The following ATG7 variants were observed in gnomAD, a reference collection of about 807,000 sequenced individuals.
ATG7 encodes the protein autophagy related 7, also known as ubiquitin-like modifier-activating enzyme ATG7.
In ATG7, 70 loss-of-function variants were observed where a neutral mutation model predicts 82.4. That is an observed-to-expected ratio of 0.85 (90% CI 0.70 to 1.04). ATG7 has a LOEUF of 1.04. Ranked by LOEUF, ATG7 falls within the 50% of genes least tolerant of loss-of-function variation. The pLI is 0.00. For missense variants in ATG7, 792 were observed against 864.3 expected, an observed-to-expected ratio of 0.92 and a Z score of 1.05; for synonymous variants, 287 against 313.0, an observed-to-expected ratio of 0.92 and a Z score of 0.88.
intron 19 of ATG7, among the ~76,000 whole-genome samples, chr3:11,392,490 C>A (rs1435612346): frequency 3.3e-5 from 5 of 150,876 alleles, no homozygotes; most frequent in African/African-American, 1.2e-4. Context: ...CAAAACAAAA[C>A]AAAAAAACAA....
intron 20 of ATG7, among the ~76,000 whole-genome samples, chr3:11,433,488 T>G (rs2083097023): frequency 6.6e-6 from 1 of 152,130 alleles, no homozygotes; most frequent in South Asian, 2.1e-4. Flanking sequence ...AACATCATAC[T>G]ATGAGAAATG....
intron 20 of ATG7, among the ~76,000 whole-genome samples, chr3:11,508,481 G>GTCT (rs541186138): frequency 2.6e-5 from 4 of 152,316 alleles, no homozygotes; most frequent in African/African-American, 9.6e-5. Flanking sequence ...AAGAGACAGA[G>GTCT]TCTTGCTCTG....
intron 20 of ATG7, among the ~76,000 whole-genome samples, chr3:11,465,576 C>G (rs1206922053): frequency 6.6e-6 from 1 of 151,764 alleles, no homozygotes; most frequent in Non-Finnish European, 1.5e-5. Context: ...AACCCCATGT[C>G]TACAAAAAGT....
At chr3:11,486,201 G>A (rs140411782) in intron 20 of ATG7, among the ~76,000 whole-genome samples, 6 of 152,090 alleles carry the variant, frequency 3.9e-5, no homozygotes, top group African/African-American at 1.4e-4. Flanking sequence ...ATTTGTTTGT[G>A]TCCTCTTTTA....
At chr3:11,467,964 T>G (rs1196416990) in intron 20 of ATG7, among the ~76,000 whole-genome samples, 1 of 152,198 alleles carries the variant, frequency 6.6e-6, no homozygotes, top group African/African-American at 2.4e-5. Flanking sequence ...GTAGCTGACT[T>G]GGAAACTGGG....
intron 11 of ATG7, among the ~76,000 whole-genome samples, chr3:11,333,308 T>C (rs571056503): frequency 6.6e-6 from 1 of 152,370 alleles, no homozygotes; most frequent in African/African-American, 2.4e-5. Flanking sequence ...AAATTTTCTC[T>C]AGGCAGTTTT....
At chr3:11,522,428 G>A (rs1337536837) in intron 20 of ATG7, among the ~76,000 whole-genome samples, 1 of 151,982 alleles carries the variant, frequency 6.6e-6, no homozygotes, top group South Asian at 2.1e-4. Context: ...GCTTGCTAGG[G>A]GACACTGGGG....
chr3:11,470,300 C>T (rs188849195), intron 20 of ATG7, among the ~76,000 whole-genome samples: 2 of 152,256 alleles, frequency 1.3e-5, no homozygotes, highest in Non-Finnish European at 1.5e-5. Flanking sequence ...GGTGGCATAG[C>T]CTGCTACATA....
intron 5 of ATG7, among the ~76,000 whole-genome samples, chr3:11,304,050 G>A (rs930310216): frequency 4.0e-5 from 6 of 151,506 alleles, no homozygotes; most frequent in African/African-American, 7.3e-5. Context: ...GAGATCGCAC[G>A]ACTGCACTCC....
chr3:11,491,579 T>C (rs2090359853), intron 20 of ATG7, among the ~76,000 whole-genome samples: 1 of 152,232 alleles, frequency 6.6e-6, no homozygotes, highest in Non-Finnish European at 1.5e-5. Context: ...TTTTCTGCTC[T>C]GTTTTTTCCC....
chr3:11,309,136 T>G, intron 7 of ATG7, 75 bp downstream of exon 7: 1 of 1,331,218 alleles, frequency 7.5e-7, no homozygotes, highest in Non-Finnish European at 1.1e-6. Context: ...AGTAGAACAG[T>G]CTGCTCTTCT....
At chr3:11,331,302 G>A (rs1951612375) in intron 9 of ATG7, 38 bp from the exon 10 acceptor site, 1 of 1,477,004 alleles carries the variant, frequency 6.8e-7, no homozygotes, top group African/African-American at 1.4e-5. Context: ...AAGCTGACAT[G>A]ATACTCGACT....
intron 19 of ATG7, among the ~76,000 whole-genome samples, chr3:11,389,075 C>T (rs1199076316): frequency 6.6e-6 from 1 of 151,838 alleles, no homozygotes; most frequent in African/African-American, 2.4e-5. Context: ...TGGCGAAACC[C>T]TGTCTCTACT....
chr3:11,365,708 G>A (rs1048507382), intron 18 of ATG7, among the ~76,000 whole-genome samples: 3 of 152,128 alleles, frequency 2.0e-5, no homozygotes, highest in Admixed American at 6.5e-5. Flanking sequence ...CAGCTAGGGC[G>A]GCACTGTCAT....
chr3:11,575,712 T>C, the ATG7 span, among the ~76,000 whole-genome samples: 2 of 152,212 alleles, frequency 1.3e-5, no homozygotes, highest in Non-Finnish European at 2.9e-5. Flanking sequence ...TCTCCATCTT[T>C]CCATTCTCCC....
At chr3:11,470,936 T>C (rs1336460930) in intron 20 of ATG7, among the ~76,000 whole-genome samples, 2 of 152,240 alleles carry the variant, frequency 1.3e-5, no homozygotes, top group African/African-American at 4.8e-5. Context: ...TCCAGAATTA[T>C]TCTCCAGTCA....
chr3:11,493,263 C>G (rs577527207), intron 20 of ATG7, among the ~76,000 whole-genome samples: 3 of 152,164 alleles, frequency 2.0e-5, no homozygotes, highest in Non-Finnish European at 4.4e-5. Context: ...TCAAGTTGCC[C>G]CTCTCTTTGC....
At chr3:11,564,405 A>ACCC in the ATG7 span, among the ~76,000 whole-genome samples, 5 of 151,214 alleles carry the variant, frequency 3.3e-5, no homozygotes, top group Admixed American at 1.3e-4. Flanking sequence ...GAAACGTAGG[A>ACCC]CCCCCCCACC....
chr3:11,563,222 C>T, the ATG7 span, among the ~76,000 whole-genome samples: 6 of 152,190 alleles, frequency 3.9e-5, no homozygotes, highest in Non-Finnish European at 5.9e-5. Context: ...GTGGGTGCTC[C>T]GAGATTACAG....
Sources: allele counts gnomAD v4.1 joint callset (sites outside exome capture counted in the v4.1 genomes callset), GRCh38; gene constraint gnomAD v4.1.1; transcripts MANE v1.5; gene names NCBI Gene and HGNC (gene_info 2026-07-23, HGNC 2026-07-21).